The following TASP1 variants were observed in gnomAD, a reference collection of about 807,000 sequenced individuals.
TASP1 encodes the protein taspase 1, also known as threonine aspartase 1.
In TASP1, 16 loss-of-function variants were observed where a neutral mutation model predicts 56.6. The observed-to-expected ratio is 0.28, with a 90% confidence interval of 0.19 to 0.43. The LOEUF (loss-of-function observed/expected upper bound fraction) is 0.43, where lower values mean the gene tolerates loss of function less well. Among genes scored for constraint, TASP1 ranks in the 20% least tolerant of loss-of-function variants. The pLI is 1.00. For synonymous variants in TASP1, 179 were observed against 184.2 expected (o/e 0.97, Z 0.23); for missense variants, 393 against 511.6 (o/e 0.77, Z 2.24).
chr20:13,404,849 A>G (rs1159381966), intron 13 of TASP1, among the ~76,000 whole-genome samples: 1 of 152,134 alleles, frequency 6.6e-6, no homozygotes, highest in African/African-American at 2.4e-5. Flanking sequence ...TTTTTTTCTG[A>G]ATCTCTGTTC....
chr20:13,468,165 T>C (rs2146400203), intron 11 of TASP1, among the ~76,000 whole-genome samples: 1 of 151,796 alleles, frequency 6.6e-6, no homozygotes, highest in African/African-American at 2.4e-5. Context: ...TGCTACTTGA[T>C]TTTAAGTGGT....
the TASP1 span, among the ~76,000 whole-genome samples, chr20:13,215,848 G>A: frequency 1.3e-5 from 2 of 152,222 alleles, no homozygotes; most frequent in East Asian, 3.8e-4. Flanking sequence ...CGATCCAGGT[G>A]TCCCACAAGC....
At chr20:13,383,508 A>G in the TASP1 span, among the ~76,000 whole-genome samples, 1 of 152,344 alleles carries the variant, frequency 6.6e-6, no homozygotes, top group Admixed American at 6.5e-5. Context: ...GGGCTGAACC[A>G]GGTGATTTAA....
chr20:13,554,779 AT>A (rs1406320961), intron 8 of TASP1, among the ~76,000 whole-genome samples: 3 of 152,212 alleles, frequency 2.0e-5, no homozygotes, highest in Non-Finnish European at 4.4e-5. Flanking sequence ...AAAATAATTT[AT>A]TGCTAAAAAA....
chr20:13,333,167 C>A, the TASP1 span, among the ~76,000 whole-genome samples: 1 of 152,230 alleles, frequency 6.6e-6, no homozygotes, highest in East Asian at 1.9e-4. Flanking sequence ...CCATGGATCA[C>A]ATGCCCATGC....
chr20:13,594,141 G>A (rs2047640196), intron 4 of TASP1, among the ~76,000 whole-genome samples: 1 of 152,214 alleles, frequency 6.6e-6, no homozygotes. Context: ...GGACATGACT[G>A]TTAGAAGGAA....
At chr20:13,557,243 G>C (rs2046187805) in intron 8 of TASP1, among the ~76,000 whole-genome samples, 2 of 152,138 alleles carry the variant, frequency 1.3e-5, no homozygotes, top group Non-Finnish European at 2.9e-5. Flanking sequence ...ACAAATTAAT[G>C]TGTATTTATA....
intron 11 of TASP1, among the ~76,000 whole-genome samples, chr20:13,460,892 A>G (rs2044028866): frequency 6.6e-6 from 1 of 152,126 alleles, no homozygotes; most frequent in Non-Finnish European, 1.5e-5. Flanking sequence ...ATCTATTGTC[A>G]GCACCCAAGC....
intron 9 of TASP1, among the ~76,000 whole-genome samples, chr20:13,529,679 T>C (rs1031949709): frequency 2.0e-5 from 3 of 152,200 alleles, no homozygotes; most frequent in African/African-American, 4.8e-5. Flanking sequence ...CAGTATTCCC[T>C]GCCACTGATG....
rs1457076581 is a variant in TASP1 at position 13,550,177 on chromosome 20, CACACACACAG to C, written c.675+8821_675+8830del. Among the ~76,000 whole-genome samples the C allele has an allele frequency of 2.1e-4, 31 of 150,988 alleles. No individual in the cohort carries two copies. The East Asian group carries it at 3.5e-3, about 17-fold the overall frequency. On this transcript the variant is annotated intron_variant, in intron 8 of 13. Coordinates refer to ENST00000337743, the MANE Select transcript of TASP1 (RefSeq NM_017714.3). ...ACACACACACACACACACACACACACACACACACAGAGACACTGCAATTGTCCAGTCATCA... is the reference window on the plus strand; with the variant it reads ...ACACACACACACACACACACACACACAGACACTGCAATTGTCCAGTCATCA...
At chr20:13,425,226 G>A (rs2042579078) in intron 12 of TASP1, among the ~76,000 whole-genome samples, 1 of 152,114 alleles carries the variant, frequency 6.6e-6, no homozygotes, top group Admixed American at 6.5e-5. Flanking sequence ...CCTCCTAGTG[G>A]CATTTAAATC....
chr20:13,176,032 G>A, the TASP1 span, among the ~76,000 whole-genome samples: 1 of 152,080 alleles, frequency 6.6e-6, no homozygotes, highest in South Asian at 2.1e-4. Flanking sequence ...ATAATTAATA[G>A]TAAAAATCAA....
the TASP1 span, among the ~76,000 whole-genome samples, chr20:13,351,490 C>CA: frequency 1.3e-5 from 2 of 152,196 alleles, no homozygotes; most frequent in African/African-American, 2.4e-5. Context: ...AGAAACAAAT[C>CA]AGACAGATCT....
the TASP1 span, among the ~76,000 whole-genome samples, chr20:13,258,156 T>A: frequency 6.6e-6 from 1 of 152,142 alleles, no homozygotes; most frequent in African/African-American, 2.4e-5. Flanking sequence ...CAATCCATGT[T>A]CCACCTTTCT....
the TASP1 span, among the ~76,000 whole-genome samples, chr20:13,215,462 A>G: frequency 1.3e-5 from 2 of 152,238 alleles, no homozygotes; most frequent in East Asian, 3.8e-4. Flanking sequence ...CAAATGCAAT[A>G]AAGGGGTCTC....
the TASP1 span, among the ~76,000 whole-genome samples, chr20:13,359,654 T>C: frequency 6.7e-6 from 1 of 150,294 alleles, no homozygotes; most frequent in South Asian, 2.1e-4. Context: ...CCAACTCTGG[T>C]GCCAACTTAG....
At chr20:13,506,373 A>G (rs1207374898) in intron 10 of TASP1, among the ~76,000 whole-genome samples, 1 of 152,206 alleles carries the variant, frequency 6.6e-6, no homozygotes, top group Non-Finnish European at 1.5e-5. Flanking sequence ...GTAAGAGGGA[A>G]TATTTCCAAA....
chr20:13,172,217 A>G, the TASP1 span, among the ~76,000 whole-genome samples: 1 of 152,122 alleles, frequency 6.6e-6, no homozygotes, highest in African/African-American at 2.4e-5. Context: ...ATATAAAAAG[A>G]TTTTTATCTA....
chr20:13,608,980 C>T (rs779070150), intron 4 of TASP1, among the ~76,000 whole-genome samples: 1 of 152,134 alleles, frequency 6.6e-6, no homozygotes, highest in Non-Finnish European at 1.5e-5. Context: ...AAAAAGAAAA[C>T]TATAGCAGTA....
Sources: gnomAD v4.1 joint callset for allele counts (sites outside exome capture counted in the v4.1 genomes callset) on GRCh38, gnomAD v4.1.1 for gene constraint, MANE v1.5 for transcripts, NCBI Gene and HGNC (gene_info 2026-07-23, HGNC 2026-07-21) for gene names.